ATG10: variants seen among roughly 807,000 people sequenced by gnomAD.
ATG10 encodes ubiquitin-like-conjugating enzyme ATG10.
A neutral mutation model predicts 32.1 loss-of-function variants in ATG10; 30 were observed. The ratio of observed to expected loss-of-function variants is 0.94; its 90% CI spans 0.70 to 1.27. ATG10 has a LOEUF of 1.27. Ranked by LOEUF, ATG10 falls within the 50% of genes most tolerant of loss-of-function variation. The probability of loss-of-function intolerance (pLI) is 0.00; values close to 1 mark genes in which losing one functional copy is unlikely to be tolerated. For synonymous variants in ATG10, 87 were observed against 91.5 expected (o/e 0.95, Z 0.28); for missense variants, 233 against 262.3 (o/e 0.89, Z 0.77).
At chr5:82,142,712 A>T (rs933140001) in intron 3 of ATG10, among the ~76,000 whole-genome samples, 10 of 152,182 alleles carry the variant, frequency 6.6e-5, no homozygotes, top group Non-Finnish European at 1.2e-4. Context: ...GGACATCAGT[A>T]AGGACACCAT....
chr5:82,230,506 G>T (rs1456186025), intron 5 of ATG10, among the ~76,000 whole-genome samples: 3 of 152,076 alleles, frequency 2.0e-5, no homozygotes, highest in East Asian at 3.9e-4. Flanking sequence ...TGCCGAGGCG[G>T]GTGGATCACG....
intron 5 of ATG10, among the ~76,000 whole-genome samples, chr5:82,251,773 A>G (rs1747261843): frequency 6.6e-6 from 1 of 152,182 alleles, no homozygotes; most frequent in Admixed American, 6.5e-5. Flanking sequence ...CCCACTACAT[A>G]GAAACCTCCT....
chr5:82,235,522 G>A (rs532133696), intron 5 of ATG10, among the ~76,000 whole-genome samples: 6 of 152,218 alleles, frequency 3.9e-5, no homozygotes, highest in Admixed American at 6.5e-5. Flanking sequence ...CAAAATAATT[G>A]TTTTTTCCAT....
At position 82,161,734 on chromosome 5, in the gene ATG10, G is replaced by C. The variant is rs867256790; in HGVS notation, c.217-2665G>C. Among the ~76,000 whole-genome samples, 15 of 35,308 alleles carry C rather than the reference G, an allele frequency of 4.2e-4. No individual in the cohort carries two copies. The East Asian group carries it at 0.01, about 24-fold the overall frequency. The allele number at this position is 35,308 out of a possible 152,430, so 23.2% of individuals were successfully genotyped here. A position where few individuals can be genotyped will look rare whatever the true frequency, so the allele number is the denominator to read the frequency against. On this transcript the variant is annotated intron_variant, in intron 3 of 7. Coordinates refer to ENST00000282185, the MANE Select transcript of ATG10 (RefSeq NM_031482.5). ...ACACACACACACACACACACACACA[G>C]AGGTATGGTGACATTTAAAGTCAAT...
intron 3 of ATG10, among the ~76,000 whole-genome samples, chr5:82,063,282 G>A (rs969645653): frequency 6.6e-6 from 1 of 152,030 alleles, no homozygotes; most frequent in Non-Finnish European, 1.5e-5. Context: ...TCACAGCACT[G>A]CGCTCTATCT....
chr5:81,983,054 C>T (rs1481200115), intron 1 of ATG10, among the ~76,000 whole-genome samples: 2 of 152,220 alleles, frequency 1.3e-5, no homozygotes, highest in Admixed American at 1.3e-4. Flanking sequence ...GGCCCATTCT[C>T]AATGAGCTGT....
chr5:82,190,608 T>G (rs945876608), intron 5 of ATG10, among the ~76,000 whole-genome samples: 13 of 151,378 alleles, frequency 8.6e-5, no homozygotes, highest in African/African-American at 3.2e-4. Flanking sequence ...CTGTCTCTAC[T>G]AAAAATACAA....
Position 82,253,415 on chromosome 5 carries a change from A to G in ATG10, c.653A>G (p.Asn218Ser). 6.3e-7 allele frequency: 1 copy of G among 1,584,278 alleles called. No homozygotes were observed. Among genetic ancestry groups the G allele is most frequent in the Non-Finnish European group, 8.7e-7 (1 of 1,152,886 alleles). Residue 218 changes from asparagine (N) to serine (S), a missense_variant, in exon 7 of 8, where the codon AAT becomes AGT. Transcript: ENST00000282185. Reference protein sequence around the residue: ...YAKATSQDERNVP With the variant: ...YAKATSQDERSVP ...AAAGCAACGTCTCAGGATGAACGAAATGTCCCTTAACAAGGTAAAAGAAAA... is the reference window on the plus strand; with the variant it reads ...AAAGCAACGTCTCAGGATGAACGAAGTGTCCCTTAACAAGGTAAAAGAAAA...
At chr5:82,170,676 T>G (rs1223972046) in intron 4 of ATG10, among the ~76,000 whole-genome samples, 1 of 152,100 alleles carries the variant, frequency 6.6e-6, no homozygotes, top group Non-Finnish European at 1.5e-5. Flanking sequence ...CAGGGCGCGG[T>G]GGCTCACACC....
intron 4 of ATG10, among the ~76,000 whole-genome samples, chr5:82,168,079 T>C (rs1409296362): frequency 6.6e-6 from 1 of 152,078 alleles, no homozygotes; most frequent in Non-Finnish European, 1.5e-5. Context: ...GTTTTTTTTT[T>C]CTTTTTTTCC....
intron 5 of ATG10, among the ~76,000 whole-genome samples, chr5:82,247,422 C>A (rs1747081766): frequency 6.6e-6 from 1 of 152,156 alleles, no homozygotes; most frequent in East Asian, 1.9e-4. Flanking sequence ...ACTATTGAGT[C>A]CATCTAGTGA....
chr5:82,139,559 C>G (rs1490244962), intron 3 of ATG10, among the ~76,000 whole-genome samples: 288 of 141,218 alleles, frequency 2.0e-3, no homozygotes, highest in African/African-American at 7.8e-3. Flanking sequence ...TGAGGAGCGT[C>G]TCTGCCCGGC....
intron 3 of ATG10, among the ~76,000 whole-genome samples, chr5:82,065,824 T>A (rs1349076051): frequency 6.6e-6 from 1 of 152,134 alleles, no homozygotes; most frequent in Non-Finnish European, 1.5e-5. Flanking sequence ...ATTAGACAAT[T>A]TTTGACGAAA....
At chr5:82,194,271 C>T (rs748888105) in intron 5 of ATG10, among the ~76,000 whole-genome samples, 41 of 152,042 alleles carry the variant, frequency 2.7e-4, no homozygotes, top group Non-Finnish European at 5.1e-4. Flanking sequence ...AATCAGAGTA[C>T]CTCCATTTTC....
chr5:82,249,555 G>C (rs750611034), intron 5 of ATG10, among the ~76,000 whole-genome samples: 1 of 152,144 alleles, frequency 6.6e-6, no homozygotes. Context: ...TACTTCTGTG[G>C]TATTATCTCA....
At position 82,028,525 on chromosome 5, in the gene ATG10, CAG is replaced by C. The variant is rs141054724; in HGVS notation, c.109-29966_109-29965del. ...TTCAAATAATTCAATGTTTTATTGA[CAG>C]AGAAACTCTTGTGTAATATACTTTT... is the stretch of plus-strand genomic sequence containing the variant. On this transcript the variant is annotated intron_variant, in intron 2 of 7. Transcript: ENST00000282185. Among the ~76,000 whole-genome samples, 720 of 152,254 alleles carry C rather than the reference CAG, an allele frequency of 4.7e-3. 3 individuals are homozygous for C. Among genetic ancestry groups the C allele is most frequent in the Middle Eastern group, 0.014 (4 of 294 alleles).
At chr5:82,230,110 G>A (rs1217930096) in intron 5 of ATG10, among the ~76,000 whole-genome samples, 1 of 152,192 alleles carries the variant, frequency 6.6e-6, no homozygotes, top group Non-Finnish European at 1.5e-5. Flanking sequence ...AATTCCTGAA[G>A]GTTGCAGCCT....
At chr5:82,015,740 C>T (rs1411098452) in intron 2 of ATG10, among the ~76,000 whole-genome samples, 1 of 152,158 alleles carries the variant, frequency 6.6e-6, no homozygotes. Flanking sequence ...AATCTGTTTT[C>T]AAGGTTTTTA....
At chr5:82,145,538 T>A (rs1276898493) in intron 3 of ATG10, among the ~76,000 whole-genome samples, 1 of 152,176 alleles carries the variant, frequency 6.6e-6, no homozygotes, top group Non-Finnish European at 1.5e-5. Flanking sequence ...TCATTAGTCA[T>A]ATTCTTCACC....
Sources: gnomAD v4.1 joint callset for allele counts (sites outside exome capture counted in the v4.1 genomes callset) on GRCh38, gnomAD v4.1.1 for gene constraint, MANE v1.5 for transcripts, NCBI Gene and HGNC (gene_info 2026-07-23, HGNC 2026-07-21) for gene names.